Variants in GNG2 observed in about 807,000 individuals in gnomAD.
The protein encoded by GNG2 is G protein subunit gamma 2, also known as guanine nucleotide-binding protein G(I)/G(S)/G(O) subunit gamma-2.
A neutral mutation model predicts 5.5 loss-of-function variants in GNG2; 5 were observed. That is an observed-to-expected ratio of 0.91 (90% CI 0.48 to 1.92). GNG2 has a LOEUF of 1.92. Ranked by LOEUF, GNG2 falls within the 30% of genes most tolerant of loss-of-function variation. The probability of loss-of-function intolerance (pLI) is 0.01; values close to 1 mark genes in which losing one functional copy is unlikely to be tolerated. For missense variants in GNG2, 55 were observed against 88.4 expected, an observed-to-expected ratio of 0.62 and a Z score of 1.52; for synonymous variants, 28 against 32.0, an observed-to-expected ratio of 0.88 and a Z score of 0.42.
At chr14:51,920,262 G>C (rs1399980001) in intron 2 of GNG2, among the ~76,000 whole-genome samples, 4 of 152,046 alleles carry the variant, frequency 2.6e-5, no homozygotes, top group Non-Finnish European at 5.9e-5. Flanking sequence ...ATCCCCTGAA[G>C]ATATCAAGGG....
intron 2 of GNG2, among the ~76,000 whole-genome samples, chr14:51,904,674 C>G (rs1885794601): frequency 6.6e-6 from 1 of 152,094 alleles, no homozygotes; most frequent in Non-Finnish European, 1.5e-5. Flanking sequence ...ATTTTAATAC[C>G]AAACTTCAAG....
chr14:51,941,883 T>G (rs553863052), intron 2 of GNG2, among the ~76,000 whole-genome samples: 1 of 152,340 alleles, frequency 6.6e-6, no homozygotes, highest in East Asian at 1.9e-4. Flanking sequence ...TTGAAAAGAA[T>G]AAAATTTCTT....
chr14:51,867,508 C>G (rs917851896), intron 1 of GNG2, among the ~76,000 whole-genome samples: 1 of 152,208 alleles, frequency 6.6e-6, no homozygotes, highest in Admixed American at 6.5e-5. Context: ...CCTCACCAAG[C>G]ACCTCTAGTT....
intron 2 of GNG2, among the ~76,000 whole-genome samples, chr14:51,920,620 C>T (rs1886962691): frequency 6.6e-6 from 1 of 152,100 alleles, no homozygotes; most frequent in African/African-American, 2.4e-5. Context: ...GAAAGACTGA[C>T]TTTGGAGAGA....
rs58532727 is a variant in GNG2 at position 51,966,962 on chromosome 14, G to GCC, written c.*284_*285dup. 5,068 of 106,378 alleles carry GCC rather than the reference G, an allele frequency of 0.048. 297 individuals are homozygous for GCC. The highest frequency in any genetic ancestry group is 0.11 in the African/African-American group (2,703 of 24,102). The allele number at this position is 106,378 out of a possible 1,614,324, so 6.6% of individuals were successfully genotyped here. On this transcript the variant is annotated 3_prime_UTR_variant, in exon 4 of 4. Coordinates refer to ENST00000556766, the MANE Select transcript of GNG2 (RefSeq NM_053064.5). ...GTCACTTCTTTTCTGCTATCCCCCA[G>GCC]CCCCCCCCCCAAAATCCTCATGTTT... is the stretch of plus-strand genomic sequence containing the variant.
At chr14:51,831,908 A>G (rs1016224054) in intron 2 of GNG2, among the ~76,000 whole-genome samples, 1 of 152,256 alleles carries the variant, frequency 6.6e-6, no homozygotes, top group African/African-American at 2.4e-5. Context: ...TGTCAAAAGT[A>G]TTATTTTCAA....
At chr14:51,838,504 C>A (rs1410026172) in intron 2 of GNG2, among the ~76,000 whole-genome samples, 1 of 151,950 alleles carries the variant, frequency 6.6e-6, no homozygotes, top group Non-Finnish European at 1.5e-5. Context: ...TCAAGGAGAT[C>A]AAGAAATGTG....
At chr14:51,844,253 C>A (rs190649343) in intron 2 of GNG2, among the ~76,000 whole-genome samples, 8 of 152,338 alleles carry the variant, frequency 5.3e-5, no homozygotes, top group Non-Finnish European at 8.8e-5. Flanking sequence ...ATATTTGATT[C>A]TCTGTCATAA....
intron 2 of GNG2, among the ~76,000 whole-genome samples, chr14:51,949,846 G>A (rs970232843): frequency 6.6e-6 from 1 of 152,170 alleles, no homozygotes; most frequent in African/African-American, 2.4e-5. Context: ...AGGATAAGAA[G>A]AGAAATGAAT....
At chr14:51,961,197 T>C (rs910457547) in intron 3 of GNG2, among the ~76,000 whole-genome samples, 8 of 152,208 alleles carry the variant, frequency 5.3e-5, no homozygotes, top group African/African-American at 1.9e-4. Context: ...CAGTTTTTAA[T>C]TTAAGGCAGG....
chr14:51,912,181 G>A (rs980904258), intron 2 of GNG2, among the ~76,000 whole-genome samples: 5 of 126,412 alleles, frequency 4.0e-5, no homozygotes, highest in Non-Finnish European at 6.5e-5. Flanking sequence ...TGACCACTTT[G>A]CTGCACTGCC....
At chr14:51,914,326 A>G in intron 2 of GNG2, 1 of 700,962 alleles carries the variant, frequency 1.4e-6, no homozygotes. Flanking sequence ...GTCTGAAAGA[A>G]AAACTGATGA....
At chr14:51,878,959 A>C (rs564165880) in intron 2 of GNG2, among the ~76,000 whole-genome samples, 5 of 152,332 alleles carry the variant, frequency 3.3e-5, no homozygotes, top group Admixed American at 6.5e-5. Context: ...GAGTTTGTCA[A>C]TGGGGTTTGC....
intron 1 of GNG2, among the ~76,000 whole-genome samples, chr14:51,866,337 C>T (rs1882883553): frequency 6.6e-6 from 1 of 152,148 alleles, no homozygotes; most frequent in South Asian, 2.1e-4. Flanking sequence ...TTTTTTATTT[C>T]ACTTTTCACT....
rs1344072365 is a variant in GNG2, at chr14:51,950,699, C to T, written c.21C>T (p.Ala7=). Residue 7 remains alanine (A), a synonymous_variant, in exon 3 of 4, where the codon GCC becomes GCT. Transcript: ENST00000556766. MASNNT[A]SIAQARKLVE... ...CTCCGATGGCCAGCAACAACACCGC[C>T]AGCATAGCACAAGCCAGGAAGCTGG... The T allele has an allele frequency of 1.9e-6, 3 of 1,611,940 alleles. No individual in the cohort carries two copies. The highest frequency in any genetic ancestry group is 1.3e-5 in the African/African-American group (1 of 74,756).
chr14:51,925,653 C>T (rs1215252220), intron 2 of GNG2, among the ~76,000 whole-genome samples: 5 of 152,166 alleles, frequency 3.3e-5, no homozygotes, highest in Non-Finnish European at 7.3e-5. Context: ...ACTCTATCAC[C>T]CAGGCTGGAG....
At chr14:51,947,301 T>G (rs1471879504) in intron 2 of GNG2, among the ~76,000 whole-genome samples, 1 of 152,194 alleles carries the variant, frequency 6.6e-6, no homozygotes, top group Non-Finnish European at 1.5e-5. Flanking sequence ...AGAATTAAAG[T>G]TGCAGATGGA....
At chr14:51,904,528 C>T (rs1314109658) in intron 2 of GNG2, among the ~76,000 whole-genome samples, 2 of 152,160 alleles carry the variant, frequency 1.3e-5, no homozygotes, top group African/African-American at 4.8e-5. Context: ...CCTGGCCCAC[C>T]CACTCCCAGC....
intron 2 of GNG2, among the ~76,000 whole-genome samples, chr14:51,844,810 C>T (rs1881578778): frequency 6.6e-6 from 1 of 152,178 alleles, no homozygotes; most frequent in South Asian, 2.1e-4. Context: ...ACTGCAACCT[C>T]TGCCTCCCAG....
Sources: allele counts gnomAD v4.1 joint callset (sites outside exome capture counted in the v4.1 genomes callset), GRCh38; gene constraint gnomAD v4.1.1; transcripts MANE v1.5; gene names NCBI Gene and HGNC (gene_info 2026-07-23, HGNC 2026-07-21).